Variants in PLXDC2 observed in about 807,000 individuals in gnomAD.
PLXDC2 encodes the protein plexin domain-containing protein 2.
Under a neutral mutation model 68.9 loss-of-function variants are expected in PLXDC2, and 40 were observed. The ratio of observed to expected loss-of-function variants is 0.58; its 90% CI spans 0.45 to 0.76. PLXDC2 has a LOEUF of 0.76. Among genes scored for constraint, PLXDC2 ranks in the 30% least tolerant of loss-of-function variants. The pLI is 0.00. For synonymous variants in PLXDC2, 243 were observed against 234.2 expected, an observed-to-expected ratio of 1.04 and a Z score of -0.34; for missense variants, 644 against 661.9, an observed-to-expected ratio of 0.97 and a Z score of 0.30.
intron 1 of PLXDC2, among the ~76,000 whole-genome samples, chr10:19,850,015 T>A (rs1837084596): frequency 6.6e-6 from 1 of 152,142 alleles, no homozygotes; most frequent in Admixed American, 6.5e-5. Context: ...ATTTCCTTAC[T>A]CCCTAAATTA....
chr10:19,903,158 T>G (rs1838186307), intron 1 of PLXDC2, among the ~76,000 whole-genome samples: 1 of 152,082 alleles, frequency 6.6e-6, no homozygotes, highest in Non-Finnish European at 1.5e-5. Flanking sequence ...AGTCCTTTTC[T>G]GGTTTTGGTA....
chr10:19,945,893 G>C (rs988121104), intron 1 of PLXDC2, among the ~76,000 whole-genome samples: 1 of 152,146 alleles, frequency 6.6e-6, no homozygotes, highest in Non-Finnish European at 1.5e-5. Context: ...GTTGAAAAAG[G>C]TTTCCAGAGG....
intron 1 of PLXDC2, among the ~76,000 whole-genome samples, chr10:19,963,992 A>G (rs139136321): frequency 6.6e-6 from 1 of 152,342 alleles, no homozygotes; most frequent in East Asian, 1.9e-4. Flanking sequence ...CAATAATGGC[A>G]AATTCATTAT....
intron 1 of PLXDC2, among the ~76,000 whole-genome samples, chr10:19,927,713 C>CAAAAAAA (rs35250324): frequency 1.2e-3 from 62 of 53,148 alleles, no homozygotes; most frequent in South Asian, 3.4e-3. Context: ...GGAAAAAAAG[C>CAAAAAAA]AAAAAAAAAA....
intron 6 of PLXDC2, among the ~76,000 whole-genome samples, chr10:20,149,597 A>G (rs1014374380): frequency 6.6e-6 from 1 of 151,950 alleles, no homozygotes; most frequent in Non-Finnish European, 1.5e-5. Context: ...AGTAGGCCCC[A>G]GTGTCTGTTG....
rs372842489 is a variant in PLXDC2, at chr10:20,147,879, C to T, written c.760C>T (p.Arg254Ter). ...CCAGGCAACCCTGCTCATGGATGGA[C>T]GAATCATCTTTGGATACAAAGAAGT... ...TFQATLLMDG[R>*]IIFGYKEIPV... The change falls in exon 6 of 14, where the codon CGA (arginine) becomes TGA (stop). Residue 254 changes from arginine to a stop codon, truncating the protein, a stop_gained. Coordinates refer to ENST00000377252, the MANE Select transcript of PLXDC2 (RefSeq NM_032812.9). LOFTEE classifies it high-confidence loss of function. 6.2e-7 allele frequency: 1 copy of T among 1,607,078 alleles called. No individual in the cohort carries two copies. The highest frequency in any genetic ancestry group is 8.5e-7 in the Non-Finnish European group (1 of 1,173,694).
chr10:20,142,422 C>T (rs1426415959), intron 4 of PLXDC2, among the ~76,000 whole-genome samples: 1 of 152,068 alleles, frequency 6.6e-6, no homozygotes. Context: ...TGAGCTGACT[C>T]TCCTTTCAGA....
At chr10:20,278,398 G>A (rs1412101453) in intron 13 of PLXDC2, among the ~76,000 whole-genome samples, 4 of 152,144 alleles carry the variant, frequency 2.6e-5, no homozygotes, top group African/African-American at 9.7e-5. Flanking sequence ...CTCCCTAGAG[G>A]TGCTTAGTAT....
In PLXDC2 at chr10:19,859,044, G is replaced by GAC. The variant is rs796635250; in HGVS notation, c.112+41854_112+41855insCA. Among the ~76,000 whole-genome samples the GAC allele has an allele frequency of 4.4e-3, 665 of 150,812 alleles. 43 individuals carry two copies. The highest frequency in any genetic ancestry group is 0.015 in the African/African-American group (631 of 40,972). ...CGAGAGAGAGAGAGAGAGAGAGAGA[G>GAC]AGAGCGAGGGAGAGAGGAGGAGGTG... On this transcript the variant is annotated intron_variant, in intron 1 of 13. Transcript: ENST00000377252.
At chr10:20,134,107 G>A (rs1187507435) in intron 4 of PLXDC2, among the ~76,000 whole-genome samples, 1 of 151,990 alleles carries the variant, frequency 6.6e-6, no homozygotes, top group Non-Finnish European at 1.5e-5. Flanking sequence ...TTTTATTCAT[G>A]TATTGCTTTC....
In PLXDC2 at chr10:20,064,079, T is replaced by C. The variant is rs116429987; in HGVS notation, c.472-4091T>C. On this transcript the variant is annotated intron_variant, in intron 3 of 13. Coordinates refer to ENST00000377252, the MANE Select transcript of PLXDC2 (RefSeq NM_032812.9). Reference sequence around the variant, plus strand: ...TTTTCTATTTTGTCAAGCCTCTTAATCCATTTATTGGGTCTTCCCACCACC... The same window carrying C: ...TTTTCTATTTTGTCAAGCCTCTTAACCCATTTATTGGGTCTTCCCACCACC... 2.2e-3 allele frequency among the ~76,000 whole-genome samples: 328 copies of C among 152,132 alleles called. 1 individual carries two copies. Among genetic ancestry groups the C allele is most frequent in the African/African-American group, 7.7e-3 (320 of 41,530 alleles).
intron 1 of PLXDC2, among the ~76,000 whole-genome samples, chr10:19,958,882 A>G (rs1444443123): frequency 6.6e-6 from 1 of 152,144 alleles, no homozygotes; most frequent in Non-Finnish European, 1.5e-5. Flanking sequence ...GTTTCCAGAG[A>G]AGTAAGAGGA....
chr10:20,136,286 A>C (rs1157909119), intron 4 of PLXDC2, among the ~76,000 whole-genome samples: 5 of 152,220 alleles, frequency 3.3e-5, no homozygotes, highest in Non-Finnish European at 7.3e-5. Context: ...TTACCAAATA[A>C]CTTACCACAA....
intron 12 of PLXDC2, among the ~76,000 whole-genome samples, chr10:20,242,745 C>T (rs1451188933): frequency 6.6e-6 from 1 of 152,152 alleles, no homozygotes; most frequent in Admixed American, 6.5e-5. Context: ...GAGTCTCGCT[C>T]TGTCGCCCAG....
chr10:19,907,857 C>T (rs768938758), intron 1 of PLXDC2, among the ~76,000 whole-genome samples: 7 of 152,144 alleles, frequency 4.6e-5, no homozygotes, highest in African/African-American at 7.2e-5. Flanking sequence ...ATGAACCTCA[C>T]GCACACACCT....
At chr10:19,918,070 C>T (rs934698390) in intron 1 of PLXDC2, among the ~76,000 whole-genome samples, 33 of 152,162 alleles carry the variant, frequency 2.2e-4, no homozygotes, top group Non-Finnish European at 4.9e-4. Flanking sequence ...GATCTAAGTT[C>T]CCACACTCCA....
intron 2 of PLXDC2, among the ~76,000 whole-genome samples, chr10:20,021,977 G>A (rs892744098): frequency 1.3e-5 from 2 of 152,096 alleles, no homozygotes; most frequent in Non-Finnish European, 2.9e-5. Context: ...GATTACAGGC[G>A]TGAGCCACCA....
chr10:20,266,556 A>G (rs1835874929), intron 13 of PLXDC2, among the ~76,000 whole-genome samples: 1 of 152,176 alleles, frequency 6.6e-6, no homozygotes, highest in Admixed American at 6.5e-5. Flanking sequence ...ATAACTGAAA[A>G]TTTAGTATAT....
chr10:19,834,766 A>G (rs1164431152), intron 1 of PLXDC2, among the ~76,000 whole-genome samples: 1 of 152,232 alleles, frequency 6.6e-6, no homozygotes, highest in Non-Finnish European at 1.5e-5. Context: ...AACATTTGCT[A>G]GATGTATCCT....
Sources: gnomAD v4.1 joint callset for allele counts (sites outside exome capture counted in the v4.1 genomes callset) on GRCh38, gnomAD v4.1.1 for gene constraint, MANE v1.5 for transcripts, NCBI Gene and HGNC (gene_info 2026-07-23, HGNC 2026-07-21) for gene names.